BCL2L13: variants seen among roughly 807,000 people sequenced by gnomAD.
The protein encoded by BCL2L13 is BCL2 like 13.
In BCL2L13, 13 loss-of-function variants were observed where a neutral mutation model predicts 25.8. That is an observed-to-expected ratio of 0.50 (90% CI 0.33 to 0.80). BCL2L13 has a LOEUF of 0.80. Among genes scored for constraint, BCL2L13 ranks in the 30% least tolerant of loss-of-function variants. The pLI is 0.02. For missense variants in BCL2L13, 504 were observed against 574.9 expected, an observed-to-expected ratio of 0.88 and a Z score of 1.26; for synonymous variants, 244 against 230.3, an observed-to-expected ratio of 1.06 and a Z score of -0.54.
At chr22:17,649,653 C>T (rs918020900) in intron 1 of BCL2L13, among the ~76,000 whole-genome samples, 1 of 151,578 alleles carries the variant, frequency 6.6e-6, no homozygotes, top group Admixed American at 6.6e-5. Context: ...CAGGCACCTG[C>T]CACCATGTCT....
intron 4 of BCL2L13, among the ~76,000 whole-genome samples, chr22:17,689,620 G>T (rs1486370771): frequency 6.6e-6 from 1 of 152,020 alleles, no homozygotes; most frequent in Non-Finnish European, 1.5e-5. Flanking sequence ...CGAGGTGGGC[G>T]GATTATGAGG....
At position 17,659,085 on chromosome 22, in the gene BCL2L13, G is replaced by A. The variant is rs758709928; in HGVS notation, c.121+3253G>A. ...AAAAAAAAAAAAAAAAAAAAAAAAG[G>A]CCAGGCACGGTGGCTCACGCCTGTA... On this transcript the variant is annotated intron_variant, in intron 2 of 6. Coordinates refer to ENST00000317582, the MANE Select transcript of BCL2L13 (RefSeq NM_015367.4). Among the ~76,000 whole-genome samples the A allele has an allele frequency of 1.6e-3, 211 of 128,492 alleles. 22 individuals are homozygous for A. Among genetic ancestry groups the A allele is most frequent in the Middle Eastern group, 8.5e-3 (2 of 234 alleles). The allele number at this position is 128,492 out of a possible 152,430, so 84.3% of individuals were successfully genotyped here.
In BCL2L13 at chr22:17,726,810, C is replaced by T. The variant is rs866679866; in HGVS notation, c.734C>T (p.Thr245Ile). The change falls in exon 7 of 7, where the codon ACT becomes ATT. Residue 245 changes from threonine to isoleucine, a missense_variant. Transcript: ENST00000317582. ...VSPPESPTVT[T>I]SWQSESLPVS... ...CCCCCAGAGTCTCCAACTGTGACCACTTCCTGGCAGTCTGAGAGCTTACCT... is the reference window on the plus strand; with the variant it reads ...CCCCCAGAGTCTCCAACTGTGACCATTTCCTGGCAGTCTGAGAGCTTACCT... 1 of 1,614,238 alleles carries T rather than the reference C, an allele frequency of 6.2e-7. No homozygotes were observed. The highest frequency in any genetic ancestry group is 1.6e-4 in the Middle Eastern group (1 of 6,062).
intron 6 of BCL2L13, among the ~76,000 whole-genome samples, chr22:17,718,249 A>C (rs776085295): frequency 2.0e-5 from 3 of 152,214 alleles, no homozygotes; most frequent in Non-Finnish European, 2.9e-5. Flanking sequence ...AGATATTAGA[A>C]GATATATTTA....
At chr22:17,710,270 G>T (rs1468755437) in intron 6 of BCL2L13, among the ~76,000 whole-genome samples, 15 of 151,680 alleles carry the variant, frequency 9.9e-5, no homozygotes, top group Admixed American at 9.9e-4. Flanking sequence ...GGCCATGACA[G>T]CAAGACATAA....
rs1020857734 is a variant in BCL2L13 at position 17,677,982 on chromosome 22, G to A, written c.122-5232G>A. ...GATCGCTTGAGCCTAAGAGGTTGAG[G>A]CTCTTGTGAGCCATGATAGTGCCAC... is the stretch of plus-strand genomic sequence containing the variant. On this transcript the variant is annotated intron_variant, in intron 2 of 6. Transcript: ENST00000317582. 2.0e-5 allele frequency among the ~76,000 whole-genome samples: 3 copies of A among 152,130 alleles called. No homozygotes were observed. The South Asian group carries it at 6.2e-4, about 31-fold the overall frequency.
At chr22:17,703,459 G>A (rs1157829420) in intron 6 of BCL2L13, 1 of 152,004 alleles carries the variant, frequency 6.6e-6, no homozygotes, top group African/African-American at 2.4e-5. Context: ...TTGACCCCTG[G>A]ACATTTATGC....
intron 2 of BCL2L13, among the ~76,000 whole-genome samples, chr22:17,662,569 C>G (rs1252338997): frequency 1.3e-5 from 2 of 152,118 alleles, no homozygotes; most frequent in African/African-American, 4.8e-5. Context: ...CACCTGTAAT[C>G]CCAACACTTT....
intron 2 of BCL2L13, among the ~76,000 whole-genome samples, chr22:17,658,367 A>G (rs973079778): frequency 3.9e-5 from 6 of 152,184 alleles, no homozygotes; most frequent in Non-Finnish European, 8.8e-5. Flanking sequence ...TTAGAGGTCT[A>G]TAATTACCAG....
chr22:17,649,097 C>T (rs2058590304), intron 1 of BCL2L13, among the ~76,000 whole-genome samples: 1 of 151,532 alleles, frequency 6.6e-6, no homozygotes, highest in Admixed American at 6.6e-5. Flanking sequence ...TTGTGCCCGG[C>T]TCAATTTTTT....
chr22:17,681,432 G>A (rs1164419744), intron 2 of BCL2L13, among the ~76,000 whole-genome samples: 1 of 151,708 alleles, frequency 6.6e-6, no homozygotes, highest in Middle Eastern at 3.2e-3. Context: ...CTGGGAGGCG[G>A]AGCTTACAGT....
At chr22:17,668,391 AC>A (rs1278619460) in intron 2 of BCL2L13, among the ~76,000 whole-genome samples, 1 of 150,646 alleles carries the variant, frequency 6.6e-6, no homozygotes, top group Non-Finnish European at 1.5e-5. Context: ...GTACATTTTC[AC>A]CTGTGTTTCC....
At chr22:17,675,380 A>C (rs1312163411) in intron 2 of BCL2L13, among the ~76,000 whole-genome samples, 1 of 152,162 alleles carries the variant, frequency 6.6e-6, no homozygotes, top group Non-Finnish European at 1.5e-5. Context: ...AATAGGTTAT[A>C]TTATCTGCAA....
At chr22:17,693,062 A>G (rs1484164360) in intron 4 of BCL2L13, among the ~76,000 whole-genome samples, 2 of 152,102 alleles carry the variant, frequency 1.3e-5, no homozygotes, top group Non-Finnish European at 2.9e-5. Flanking sequence ...AAATGGGAGT[A>G]GTATAATGGC....
chr22:17,666,521 C>T (rs1407439359), intron 2 of BCL2L13, among the ~76,000 whole-genome samples: 1 of 151,986 alleles, frequency 6.6e-6, no homozygotes, highest in Non-Finnish European at 1.5e-5. Context: ...TTCTGGTAAC[C>T]ATCCTTATAT....
At chr22:17,709,376 C>A (rs2060680604) in intron 6 of BCL2L13, among the ~76,000 whole-genome samples, 1 of 152,158 alleles carries the variant, frequency 6.6e-6, no homozygotes, top group Non-Finnish European at 1.5e-5. Context: ...GGGCAGATCA[C>A]CTGAAGTCCG....
chr22:17,708,462 A>G (rs542298086), intron 6 of BCL2L13, among the ~76,000 whole-genome samples: 4 of 152,344 alleles, frequency 2.6e-5, no homozygotes, highest in African/African-American at 9.6e-5. Flanking sequence ...AATGGAAGTA[A>G]TAATAATCCT....
chr22:17,638,945 G>GCAC, intron 1 of BCL2L13, 59 bp downstream of exon 1: 1 of 1,201,426 alleles, frequency 8.3e-7, no homozygotes, highest in Non-Finnish European at 1.0e-6. Flanking sequence ...TTTCACCTGG[G>GCAC]TAGGAAAGTG....
At chr22:17,698,270 A>C (rs1373624513) in intron 5 of BCL2L13, among the ~76,000 whole-genome samples, 1 of 148,960 alleles carries the variant, frequency 6.7e-6, no homozygotes, top group Non-Finnish European at 1.5e-5. Context: ...GCCCACCACT[A>C]TGCCCAGCTA....
Sources: gnomAD v4.1 joint callset for allele counts (sites outside exome capture counted in the v4.1 genomes callset) on GRCh38, gnomAD v4.1.1 for gene constraint, MANE v1.5 for transcripts, NCBI Gene and HGNC (gene_info 2026-07-23, HGNC 2026-07-21) for gene names.